The following SLC4A5 variants were observed in gnomAD, a reference collection of about 807,000 sequenced individuals.
SLC4A5 encodes electrogenic sodium bicarbonate cotransporter 4.
SLC4A5 carries 96 observed loss-of-function variants against 120.4 expected under a neutral mutation model. That is an observed-to-expected ratio of 0.80 (90% CI 0.68 to 0.94). The LOEUF (loss-of-function observed/expected upper bound fraction) is 0.94, where lower values mean the gene tolerates loss of function less well. Ranked by LOEUF, SLC4A5 falls within the 40% of genes least tolerant of loss-of-function variation. The probability of loss-of-function intolerance (pLI) is 0.00; values close to 1 mark genes in which losing one functional copy is unlikely to be tolerated. For synonymous variants in SLC4A5, 550 were observed against 571.1 expected (o/e 0.96, Z 0.53); for missense variants, 1,259 against 1,459.5 (o/e 0.86, Z 2.24).
At chr2:74,305,721 C>CTTTTTTTT (rs35627197) in intron 6 of SLC4A5, among the ~76,000 whole-genome samples, 2 of 115,340 alleles carry the variant, frequency 1.7e-5, no homozygotes, top group Non-Finnish European at 3.3e-5. Context: ...CTTTTCTTTC[C>CTTTTTTTT]TTTTTTTTTT....
At chr2:74,274,819 T>C (rs1558889852) in intron 8 of SLC4A5, among the ~76,000 whole-genome samples, 2 of 152,228 alleles carry the variant, frequency 1.3e-5, no homozygotes, top group Non-Finnish European at 2.9e-5. Flanking sequence ...TCTCTCCTCA[T>C]GGGCAGATAT....
chr2:74,304,644 G>C (rs2104258725), exon 7 of SLC4A5: 2 of 1,614,180 alleles, frequency 1.2e-6, no homozygotes, highest in South Asian at 1.1e-5. Context: ...TTGAGGGTAA[G>C]TGGGTACTGG....
intron 1 of SLC4A5, 146 bp downstream of exon 1, chr2:74,343,210 C>T (rs1436734312): frequency 1.3e-5 from 2 of 152,112 alleles, no homozygotes; most frequent in Non-Finnish European, 2.9e-5. Flanking sequence ...CTTGTACAGG[C>T]CTTTAGCAAA....
At chr2:74,341,670 A>AT (rs1157667478) in intron 2 of SLC4A5, among the ~76,000 whole-genome samples, 1 of 152,244 alleles carries the variant, frequency 6.6e-6, no homozygotes, top group African/African-American at 2.4e-5. Context: ...GCAAGGGATC[A>AT]TAAGTCCTGG....
intron 18 of SLC4A5, among the ~76,000 whole-genome samples, chr2:74,247,823 A>AT (rs1400409592): frequency 1.3e-5 from 2 of 152,096 alleles, no homozygotes; most frequent in Non-Finnish European, 2.9e-5. Context: ...CCAAAAAAAA[A>AT]TTTTTTTTAA....
chr2:74,293,427 T>G lies in SLC4A5; in HGVS notation c.272-7525A>C, dbSNP rs145939100. On this transcript the variant is annotated intron_variant, in intron 7 of 30. Coordinates refer to ENST00000394019, the Ensembl canonical transcript of SLC4A5. Reference sequence around the variant, plus strand: ...ATGTGACCTGTGCTCCTGGCCACAATGAATTGGAGCAGGAATGGTTCATTG... The same window carrying G: ...ATGTGACCTGTGCTCCTGGCCACAAGGAATTGGAGCAGGAATGGTTCATTG... 7.7e-3 allele frequency among the ~76,000 whole-genome samples: 1,168 copies of G among 152,284 alleles called. 16 individuals are homozygous for G. The highest frequency in any genetic ancestry group is 0.025 in the African/African-American group (1,036 of 41,552).
chr2:74,254,647 C>T (rs780268146), exon 14 of SLC4A5: 8 of 1,613,846 alleles, frequency 5.0e-6, no homozygotes, highest in East Asian at 2.2e-5. Context: ...TGCAATGGCA[C>T]GGCCAATTTC....
At chr2:74,285,630 G>A in intron 8 of SLC4A5, 143 bp downstream of exon 8, 1 of 867,140 alleles carries the variant, frequency 1.2e-6, no homozygotes, top group Admixed American at 2.9e-5. Flanking sequence ...CTTAGTTCTG[G>A]ACACCAAGGA....
At chr2:74,313,471 C>T (rs1184809214) in intron 6 of SLC4A5, among the ~76,000 whole-genome samples, 3 of 152,270 alleles carry the variant, frequency 2.0e-5, no homozygotes, top group African/African-American at 4.8e-5. Context: ...TTCCTAGGTA[C>T]TAGGGGTCAG....
intron 8 of SLC4A5, among the ~76,000 whole-genome samples, chr2:74,268,063 T>C (rs538346020): frequency 8.5e-5 from 13 of 152,186 alleles, no homozygotes; most frequent in Admixed American, 2.6e-4. Context: ...CATCATTTAC[T>C]AGCTGAAAAT....
intron 11 of SLC4A5, 31 bp downstream of exon 11, chr2:74,262,106 G>A (rs959879320): frequency 6.3e-7 from 1 of 1,591,808 alleles, no homozygotes; most frequent in Non-Finnish European, 8.6e-7. Context: ...CCTGAATAAA[G>A]CTGCCACAGA....
intron 8 of SLC4A5, among the ~76,000 whole-genome samples, chr2:74,266,864 T>C (rs182949199): frequency 5.8e-4 from 88 of 152,280 alleles, no homozygotes; most frequent in African/African-American, 1.9e-3. Context: ...AACTTCTATA[T>C]AGTAAAATAA....
intron 7 of SLC4A5, among the ~76,000 whole-genome samples, chr2:74,303,097 G>C (rs963757857): frequency 2.0e-5 from 3 of 150,470 alleles, no homozygotes; most frequent in African/African-American, 7.3e-5. Flanking sequence ...GTGTATGCCT[G>C]TGCATGTGGT....
At chr2:74,318,615 G>A (rs1315572532) in intron 5 of SLC4A5, among the ~76,000 whole-genome samples, 3 of 151,990 alleles carry the variant, frequency 2.0e-5, no homozygotes, top group African/African-American at 7.3e-5. Flanking sequence ...GAACCCAGAA[G>A]GCAGAGGTTG....
chr2:74,303,826 C>T (rs948401719), intron 7 of SLC4A5, among the ~76,000 whole-genome samples: 1 of 151,318 alleles, frequency 6.6e-6, no homozygotes, highest in Non-Finnish European at 1.5e-5. Context: ...ATGCCTCATA[C>T]AAAACAAGCA....
intron 8 of SLC4A5, among the ~76,000 whole-genome samples, chr2:74,278,867 G>A (rs1276543114): frequency 1.3e-5 from 2 of 152,286 alleles, no homozygotes; most frequent in African/African-American, 2.4e-5. Context: ...ACAAGAGAGC[G>A]ATGGCTGCTA....
intron 8 of SLC4A5, among the ~76,000 whole-genome samples, chr2:74,277,536 G>A (rs756871203): frequency 1.3e-5 from 2 of 152,156 alleles, no homozygotes; most frequent in Non-Finnish European, 2.9e-5. Flanking sequence ...GTGACAGGGC[G>A]AGACTCCGTC....
chr2:74,239,451 T>A, exon 21 of SLC4A5: 1 of 1,613,142 alleles, frequency 6.2e-7, no homozygotes, highest in Non-Finnish European at 8.5e-7. Context: ...TTGCAGGAAT[T>A]CCCAAGCAGG....
chr2:74,231,110 A>G, intron 25 of SLC4A5, 126 bp downstream of exon 25: 1 of 834,372 alleles, frequency 1.2e-6, no homozygotes, highest in Non-Finnish European at 1.9e-6. Flanking sequence ...CCCGGCCAAG[A>G]CTGTGCCTTT....
Sources: allele counts gnomAD v4.1 joint callset (sites outside exome capture counted in the v4.1 genomes callset), GRCh38; gene constraint gnomAD v4.1.1; transcripts MANE v1.5; gene names NCBI Gene and HGNC (gene_info 2026-07-23, HGNC 2026-07-21).